The following DDAH1 variants were observed in gnomAD, a reference collection of about 807,000 sequenced individuals.
DDAH1 encodes dimethylarginine dimethylaminohydrolase 1.
In DDAH1, 19 loss-of-function variants were observed where a neutral mutation model predicts 28.8. The observed-to-expected ratio is 0.66, with a 90% CI of 0.46 to 0.97. The LOEUF (loss-of-function observed/expected upper bound fraction) is 0.97, where lower values mean the gene tolerates loss of function less well. Among genes scored for constraint, DDAH1 ranks in the 50% least tolerant of loss-of-function variants. DDAH1 has a pLI of 0.00. For synonymous variants in DDAH1, 153 were observed against 154.4 expected, an observed-to-expected ratio of 0.99 and a Z score of 0.07; for missense variants, 326 against 375.9, an observed-to-expected ratio of 0.87 and a Z score of 1.10.
chr1:85,513,477 C>A (rs1657323274), intron 1 of DDAH1, among the ~76,000 whole-genome samples: 1 of 152,100 alleles, frequency 6.6e-6, no homozygotes, highest in Non-Finnish European at 1.5e-5. Context: ...AAAGCAATGG[C>A]AACAAAAGCC....
chr1:85,385,390 T>G (rs911198530), intron 1 of DDAH1, among the ~76,000 whole-genome samples: 1 of 152,246 alleles, frequency 6.6e-6, no homozygotes, highest in East Asian at 1.9e-4. Flanking sequence ...TACTAAATTA[T>G]AGCTTACTGA....
intron 1 of DDAH1, among the ~76,000 whole-genome samples, chr1:85,567,412 C>T (rs991765837): frequency 6.6e-6 from 1 of 152,102 alleles, no homozygotes; most frequent in African/African-American, 2.4e-5. Context: ...CTCACAAGAT[C>T]CAATGGTTTT....
chr1:85,448,740 GAA>G (rs1389189408), intron 1 of DDAH1, among the ~76,000 whole-genome samples: 4 of 152,082 alleles, frequency 2.6e-5, no homozygotes, highest in Admixed American at 2.0e-4. Flanking sequence ...AAAACCCCAC[GAA>G]ACACAGGAAA....
At chr1:85,386,056 C>A (rs915540863) in intron 1 of DDAH1, among the ~76,000 whole-genome samples, 2 of 152,188 alleles carry the variant, frequency 1.3e-5, no homozygotes, top group East Asian at 3.9e-4. Context: ...CCCCATGACA[C>A]AAACACTTCC....
intron 2 of DDAH1, among the ~76,000 whole-genome samples, chr1:85,490,393 G>A (rs1016405938): frequency 5.9e-5 from 9 of 152,132 alleles, no homozygotes; most frequent in African/African-American, 9.7e-5. Flanking sequence ...CAAGCTCTCC[G>A]TATCTCTAAC....
intron 1 of DDAH1, among the ~76,000 whole-genome samples, chr1:85,536,962 T>C (rs867872530): frequency 1.5e-5 from 1 of 68,176 alleles, no homozygotes; most frequent in Admixed American, 2.1e-4. Context: ...TATATATATA[T>C]ATATATATAT....
chr1:85,427,714 TAACAAAGAAAGA>T (rs1653476942), intron 1 of DDAH1, among the ~76,000 whole-genome samples: 1 of 152,168 alleles, frequency 6.6e-6, no homozygotes, highest in Admixed American at 6.5e-5. Flanking sequence ...TCTAAGGATG[TAACAAAGAAAGA>T]GAGAAAGAAA....
At chr1:85,515,997 T>C (rs1398824952) in intron 1 of DDAH1, among the ~76,000 whole-genome samples, 1 of 152,202 alleles carries the variant, frequency 6.6e-6, no homozygotes, top group African/African-American at 2.4e-5. Context: ...ACCTTAGTGC[T>C]GTGTCCTCAT....
At chr1:85,353,113 T>A (rs367876080) in intron 2 of DDAH1, among the ~76,000 whole-genome samples, 1 of 152,188 alleles carries the variant, frequency 6.6e-6, no homozygotes, top group Non-Finnish European at 1.5e-5. Context: ...TTCTGCAGGA[T>A]GAAACTTCAT....
rs371998257 is a variant in DDAH1, at chr1:85,412,041, T to C, written c.303+52702A>G. On this transcript the variant is annotated intron_variant, in intron 1 of 5. Coordinates refer to ENST00000284031, the MANE Select transcript of DDAH1 (RefSeq NM_012137.4). Reference sequence around the variant, plus strand: ...GTACTTGTGGAATTTAAGAGAGGCATTGGACTGATTTTTAAAATTCCTACA... The same window carrying C: ...GTACTTGTGGAATTTAAGAGAGGCACTGGACTGATTTTTAAAATTCCTACA... Among the ~76,000 whole-genome samples, 573 of 152,364 alleles carry C rather than the reference T, an allele frequency of 3.8e-3. 4 individuals are homozygous for C. The highest frequency in any genetic ancestry group is 0.013 in the African/African-American group (551 of 41,578).
At chr1:85,420,347 A>T (rs1195429173) in intron 1 of DDAH1, among the ~76,000 whole-genome samples, 2 of 152,230 alleles carry the variant, frequency 1.3e-5, no homozygotes, top group Non-Finnish European at 2.9e-5. Flanking sequence ...AAATTTTCCA[A>T]ACTCTTACTC....
chr1:85,557,110 C>G (rs892823208), intron 1 of DDAH1, among the ~76,000 whole-genome samples: 2 of 152,154 alleles, frequency 1.3e-5, no homozygotes, highest in African/African-American at 4.8e-5. Context: ...GAGCGAGACT[C>G]TGTCTCAAAA....
intron 1 of DDAH1, among the ~76,000 whole-genome samples, chr1:85,438,108 T>C (rs1032908091): frequency 4.6e-5 from 7 of 152,166 alleles, no homozygotes; most frequent in African/African-American, 1.7e-4. Flanking sequence ...TCTTCTCACT[T>C]ATATGTGGGA....
At chr1:85,531,344 G>T (rs1393063148) in intron 1 of DDAH1, among the ~76,000 whole-genome samples, 1 of 151,934 alleles carries the variant, frequency 6.6e-6, no homozygotes, top group Non-Finnish European at 1.5e-5. Context: ...ATGTAAAAAG[G>T]GTAGAATCTC....
intron 1 of DDAH1, among the ~76,000 whole-genome samples, chr1:85,369,139 C>A (rs1650240450): frequency 5.4e-5 from 8 of 147,626 alleles, no homozygotes. Context: ...TGGCTCACTG[C>A]AGCCTCAACC....
chr1:85,461,117 A>G (rs1429757502), intron 1 of DDAH1, among the ~76,000 whole-genome samples: 1 of 151,536 alleles, frequency 6.6e-6, no homozygotes, highest in African/African-American at 2.4e-5. Context: ...CTGTCTCTAA[A>G]AACAAACAAA....
intron 1 of DDAH1, among the ~76,000 whole-genome samples, chr1:85,525,526 A>G (rs1266508537): frequency 6.0e-5 from 9 of 151,032 alleles, no homozygotes; most frequent in African/African-American, 2.0e-4. Context: ...TTAACTTCTA[A>G]GTTTTCTAAT....
chr1:85,404,302 T>C, intron 1 of DDAH1: 1 of 1,425,100 alleles, frequency 7.0e-7, no homozygotes. Context: ...TACATGAAAC[T>C]TCTGCCTGTA....
At chr1:85,356,252 G>C (rs1007467357) in intron 2 of DDAH1, among the ~76,000 whole-genome samples, 2 of 152,184 alleles carry the variant, frequency 1.3e-5, no homozygotes, top group African/African-American at 4.8e-5. Context: ...CTATTTAAGA[G>C]AAATGGTATT....
Sources: allele counts gnomAD v4.1 joint callset (sites outside exome capture counted in the v4.1 genomes callset), GRCh38; gene constraint gnomAD v4.1.1; transcripts MANE v1.5; gene names NCBI Gene and HGNC (gene_info 2026-07-23, HGNC 2026-07-21).